Variants in RPS6KC1 observed in about 807,000 individuals in gnomAD.
RPS6KC1 encodes the protein ribosomal protein S6 kinase C1.
RPS6KC1 carries 54 observed loss-of-function variants against 103.8 expected under a neutral mutation model. That is an observed-to-expected ratio of 0.52 (90% CI 0.42 to 0.65). The LOEUF (loss-of-function observed/expected upper bound fraction) is 0.65, where lower values mean the gene tolerates loss of function less well. Among genes scored for constraint, RPS6KC1 ranks in the 30% least tolerant of loss-of-function variants. RPS6KC1 has a pLI of 0.00. For missense variants in RPS6KC1, 1,151 were observed against 1,253.8 expected, an observed-to-expected ratio of 0.92 and a Z score of 1.24; for synonymous variants, 439 against 438.7, an observed-to-expected ratio of 1.00 and a Z score of -0.01.
the RPS6KC1 span, among the ~76,000 whole-genome samples, chr1:213,395,894 C>T: frequency 0.053 from 8,111 of 152,214 alleles, 452 homozygotes; most frequent in African/African-American, 0.14. Context: ...CAAGGCAGTG[C>T]GAAGAATCCA....
At chr1:213,664,192 C>CGGGGGGGGGGGGG in the RPS6KC1 span, among the ~76,000 whole-genome samples, 2 of 29,858 alleles carry the variant, frequency 6.7e-5, no homozygotes, top group Non-Finnish European at 1.2e-4. Flanking sequence ...AAGAAATGAG[C>CGGGGGGGGGGGGG]GGGGGGGCGG....
the RPS6KC1 span, among the ~76,000 whole-genome samples, chr1:213,349,097 T>A: frequency 1.3e-5 from 2 of 152,224 alleles, no homozygotes; most frequent in South Asian, 4.1e-4. Flanking sequence ...TAAAAATAAA[T>A]TTCTGTCAGC....
At chr1:213,743,688 G>C in the RPS6KC1 span, among the ~76,000 whole-genome samples, 1 of 152,106 alleles carries the variant, frequency 6.6e-6, no homozygotes, top group Non-Finnish European at 1.5e-5. Flanking sequence ...CTGGCAAGTA[G>C]GTAAAGACCC....
the RPS6KC1 span, among the ~76,000 whole-genome samples, chr1:213,357,768 G>T: frequency 6.6e-6 from 1 of 152,192 alleles, no homozygotes; most frequent in Non-Finnish European, 1.5e-5. Context: ...CTCCATTTGC[G>T]GCTGAATGCA....
the RPS6KC1 span, among the ~76,000 whole-genome samples, chr1:213,780,271 A>G: frequency 2.0e-5 from 3 of 152,184 alleles, no homozygotes; most frequent in Non-Finnish European, 4.4e-5. Context: ...CCACAAGTTC[A>G]CGGGTGAACA....
At chr1:213,519,640 C>T in the RPS6KC1 span, among the ~76,000 whole-genome samples, 5 of 152,104 alleles carry the variant, frequency 3.3e-5, no homozygotes, top group African/African-American at 4.8e-5. Context: ...GAGACCACCC[C>T]TCCCCACAGC....
the RPS6KC1 span, among the ~76,000 whole-genome samples, chr1:213,656,919 C>A: frequency 2.0e-5 from 3 of 152,210 alleles, no homozygotes; most frequent in East Asian, 5.8e-4. Flanking sequence ...TTTTTGGGAG[C>A]AGATAATGCA....
the RPS6KC1 span, among the ~76,000 whole-genome samples, chr1:213,313,532 C>T: frequency 2.0e-5 from 3 of 152,144 alleles, no homozygotes; most frequent in Non-Finnish European, 4.4e-5. Context: ...CCATTCTTGC[C>T]GTTTCTCCTG....
At chr1:213,742,481 A>G in the RPS6KC1 span, among the ~76,000 whole-genome samples, 1 of 152,222 alleles carries the variant, frequency 6.6e-6, no homozygotes, top group Non-Finnish European at 1.5e-5. Flanking sequence ...GGACGGGGGA[A>G]CATTTTAGCT....
chr1:213,071,867 A>AT (rs933072902), intron 2 of RPS6KC1, among the ~76,000 whole-genome samples: 4 of 147,288 alleles, frequency 2.7e-5, no homozygotes, highest in African/African-American at 5.2e-5. Flanking sequence ...GCATTTTTTC[A>AT]TTTTTTTTCC....
At chr1:213,404,123 C>A in the RPS6KC1 span, among the ~76,000 whole-genome samples, 5 of 152,134 alleles carry the variant, frequency 3.3e-5, no homozygotes, top group Non-Finnish European at 2.9e-5. Context: ...ACAGGGAGCT[C>A]CTGTGCGTAG....
At chr1:213,803,687 G>A in the RPS6KC1 span, among the ~76,000 whole-genome samples, 3 of 152,114 alleles carry the variant, frequency 2.0e-5, no homozygotes, top group Non-Finnish European at 2.9e-5. Context: ...CTCAGCATGG[G>A]TCATTGCTGA....
chr1:213,847,310 A>G, the RPS6KC1 span, among the ~76,000 whole-genome samples: 2 of 152,200 alleles, frequency 1.3e-5, no homozygotes, highest in South Asian at 2.1e-4. Context: ...TATATTCAAC[A>G]TAATATAATC....
chr1:213,400,895 T>A, the RPS6KC1 span, among the ~76,000 whole-genome samples: 2 of 151,986 alleles, frequency 1.3e-5, no homozygotes, highest in African/African-American at 4.8e-5. Context: ...TTAGTAGAGA[T>A]GGGGTTTCAC....
chr1:213,068,873 A>ATATG (rs977346443), intron 1 of RPS6KC1, among the ~76,000 whole-genome samples: 3 of 127,372 alleles, frequency 2.4e-5, no homozygotes, highest in Non-Finnish European at 3.2e-5. Context: ...AAGTGTATAT[A>ATATG]TGTGTGTGTG....
intron 8 of RPS6KC1, among the ~76,000 whole-genome samples, chr1:213,213,571 G>A (rs1245335618): frequency 1.3e-5 from 2 of 152,072 alleles, no homozygotes; most frequent in Non-Finnish European, 2.9e-5. Flanking sequence ...GAATCAGTTC[G>A]TTGATAACCA....
At chr1:213,215,464 A>G (rs1291656413) in intron 8 of RPS6KC1, among the ~76,000 whole-genome samples, 1 of 152,220 alleles carries the variant, frequency 6.6e-6, no homozygotes, top group Non-Finnish European at 1.5e-5. Context: ...GCAGAATATT[A>G]TCCAGGAGAA....
the RPS6KC1 span, among the ~76,000 whole-genome samples, chr1:213,736,929 C>T: frequency 2.0e-5 from 3 of 152,208 alleles, no homozygotes; most frequent in Non-Finnish European, 4.4e-5. Flanking sequence ...GGTGGTCAAA[C>T]TATTCCCCAA....
chr1:213,062,336 G>A (rs2077914060), intron 1 of RPS6KC1, among the ~76,000 whole-genome samples: 1 of 151,734 alleles, frequency 6.6e-6, no homozygotes, highest in African/African-American at 2.4e-5. Flanking sequence ...TTTAGTCTTG[G>A]GTCATGTCCC....
Sources: allele counts gnomAD v4.1 joint callset (sites outside exome capture counted in the v4.1 genomes callset), GRCh38; gene constraint gnomAD v4.1.1; transcripts MANE v1.5; gene names NCBI Gene and HGNC (gene_info 2026-07-23, HGNC 2026-07-21).